The following KLHL4 variants were observed in gnomAD, a reference collection of about 807,000 sequenced individuals.
The protein encoded by KLHL4 is kelch-like protein 4.
KLHL4 carries 17 observed loss-of-function variants against 45.8 expected under a neutral mutation model. That is an observed-to-expected ratio of 0.37 (90% confidence interval 0.25 to 0.56). KLHL4 has a LOEUF of 0.56. KLHL4 is among the 20% of genes least tolerant of loss of function. KLHL4 has a pLI of 0.79. For missense variants in KLHL4, 544 were observed against 544.9 expected (o/e 1.00, Z 0.02); for synonymous variants, 224 against 189.9 (o/e 1.18, Z -1.47).
intron 1 of KLHL4, among the ~76,000 whole-genome samples, chrX:87,524,241 A>G (rs971269879): frequency 1.8e-5 from 2 of 111,284 alleles, no homozygotes; most frequent in African/African-American, 6.5e-5. Context: ...AGTGCTCAAA[A>G]TTGCTAAAAT....
At chrX:87,523,522 G>A (rs1445017299) in intron 1 of KLHL4, among the ~76,000 whole-genome samples, 2 of 111,498 alleles carry the variant, frequency 1.8e-5, no homozygotes, top group African/African-American at 6.5e-5. Flanking sequence ...TGATGTAGGT[G>A]TGTCAAAGGG....
chrX:87,536,936 G>A lies in KLHL4; in HGVS notation c.422+18621G>A, dbSNP rs188073020. On this transcript the variant is annotated intron_variant, in intron 1 of 10. Transcript: ENST00000373119. ...ACATAAGTTTAAAATTTAATTTATC[G>A]GTTTTTGAAAAACAGCTTAAATATC... Among the ~76,000 whole-genome samples the A allele has an allele frequency of 3.8e-3, 421 of 110,536 alleles. 7 individuals are homozygous for A. The South Asian group carries it at 0.053, about 14-fold the overall frequency.
chrX:87,602,483 T>A (rs974456700), intron 1 of KLHL4, among the ~76,000 whole-genome samples: 3 of 111,510 alleles, frequency 2.7e-5, no homozygotes, highest in Admixed American at 9.6e-5. Flanking sequence ...CTTTTTTATG[T>A]TTAGATATGT....
intron 1 of KLHL4, among the ~76,000 whole-genome samples, chrX:87,576,983 C>T (rs768792318): frequency 4.5e-5 from 5 of 111,297 alleles, no homozygotes; most frequent in Non-Finnish European, 7.6e-5. Flanking sequence ...AATAGCTGGC[C>T]TTTAAGTATG....
chrX:87,556,520 G>C (rs1931977529), intron 1 of KLHL4, among the ~76,000 whole-genome samples: 1 of 85,523 alleles, frequency 1.2e-5, no homozygotes, highest in Admixed American at 1.7e-4. Context: ...TCTGGGGACT[G>C]TTGTGGGGTG....
chrX:87,517,881 T>C lies in KLHL4; in HGVS notation c.-13T>C. Reference sequence around the variant, plus strand: ...TTCTGTGAGAGAAGGCTTTTGTCTTTCCTCCTGCTACGATGTCAGTGTCTG... The same window carrying C: ...TTCTGTGAGAGAAGGCTTTTGTCTTCCCTCCTGCTACGATGTCAGTGTCTG... On this transcript the variant is annotated 5_prime_UTR_variant, in exon 1 of 11. Transcript: ENST00000373119. 8.4e-7 allele frequency: 1 copy of C among 1,185,785 alleles called. No individual in the cohort carries two copies. The highest frequency in any genetic ancestry group is 1.1e-6 in the Non-Finnish European group (1 of 883,146).
At chrX:87,533,681 G>C (rs868026639) in intron 1 of KLHL4, among the ~76,000 whole-genome samples, 5 of 109,333 alleles carry the variant, frequency 4.6e-5, no homozygotes, top group Non-Finnish European at 9.5e-5. Context: ...TTGTGCACAT[G>C]TACCCTAAAA....
intron 9 of KLHL4, among the ~76,000 whole-genome samples, chrX:87,652,520 A>C (rs1923852898): frequency 8.9e-6 from 1 of 111,945 alleles, no homozygotes; most frequent in African/African-American, 3.2e-5. Flanking sequence ...AAGTTGCACA[A>C]ATTTCTAGGG....
intron 1 of KLHL4, among the ~76,000 whole-genome samples, chrX:87,589,093 A>C (rs1163696453): frequency 8.9e-6 from 1 of 112,296 alleles, no homozygotes; most frequent in Non-Finnish European, 1.9e-5. Flanking sequence ...AATGCAAATC[A>C]AAACTACAAT....
rs947804501 is a variant in KLHL4, at chrX:87,669,857, C to T, written c.*3323C>T. 1 of 113,685 alleles carries T rather than the reference C, an allele frequency of 8.8e-6. No individual in the cohort carries two copies. The highest frequency in any genetic ancestry group is 3.3e-5 in the African/African-American group (1 of 30,570). 9.4% of individuals were successfully genotyped at this position (113,685 alleles called of 1,213,427 possible). On this transcript the variant is annotated 3_prime_UTR_variant, in exon 11 of 11. Transcript: ENST00000373119. ...TTTTCAAGCATGGATCTCCATATTTCAAAGGAAAGTTTTAAAAATGTTTTT... is the reference window on the plus strand; with the variant it reads ...TTTTCAAGCATGGATCTCCATATTTTAAAGGAAAGTTTTAAAAATGTTTTT...
intron 4 of KLHL4, among the ~76,000 whole-genome samples, chrX:87,620,052 T>G (rs1922697377): frequency 1.8e-5 from 2 of 111,565 alleles, no homozygotes; most frequent in African/African-American, 3.3e-5. Flanking sequence ...GAATGCTATT[T>G]GGCCAAATGT....
rs1922463132 is a variant in KLHL4, at chrX:87,613,884, A to G, written c.430A>G (p.Thr144Ala). 4 of 1,184,323 alleles carry G rather than the reference A, an allele frequency of 3.4e-6. No homozygotes were observed. The highest frequency in any genetic ancestry group is 4.5e-6 in the Non-Finnish European group (4 of 881,844). Residue 144 changes from threonine (T) to alanine (A), a missense_variant, in exon 2 of 11, where the codon ACA becomes GCA. Transcript: ENST00000373119. ...TCCTTACTTCCTTTTCAGATTAGAT[A>G]CACAACACTCTGAAGACATGAATGC... The part of the protein sequence containing the change: ...NIEDSTARLD[T>A]QHSEDMNATR...
intron 8 of KLHL4, 114 bp downstream of exon 8, chrX:87,634,025 T>C: frequency 1.7e-6 from 1 of 582,037 alleles, no homozygotes; most frequent in African/African-American, 2.3e-5. Flanking sequence ...GTACTTGTTA[T>C]CAATAATAAA....
intron 1 of KLHL4, among the ~76,000 whole-genome samples, chrX:87,584,678 TA>T (rs963552464): frequency 3.9e-5 from 4 of 103,109 alleles, no homozygotes; most frequent in Admixed American, 1.0e-4. Context: ...AAAGACAAAA[TA>T]AAAAAAAAGA....
intron 1 of KLHL4, among the ~76,000 whole-genome samples, chrX:87,586,409 T>C (rs1449368209): frequency 9.0e-6 from 1 of 111,331 alleles, no homozygotes; most frequent in Admixed American, 9.6e-5. Context: ...AAAAAAAACC[T>C]GAAATAATAT....
chrX:87,542,957 A>G lies in KLHL4; in HGVS notation c.422+24642A>G, dbSNP rs1032172825. 2.7e-5 allele frequency among the ~76,000 whole-genome samples: 3 copies of G among 111,504 alleles called. No homozygotes were observed. In the Admixed American group the frequency reaches 2.9e-4, roughly 11 times the overall value. ...TCCCTTTGTATCCATGGAGGGACCT[A>G]GTGGGAGGTGACTTGATCATGGGGA... On this transcript the variant is annotated intron_variant, in intron 1 of 10. Coordinates refer to ENST00000373119, the MANE Select transcript of KLHL4 (RefSeq NM_019117.5).
chrX:87,526,475 T>C (rs1316041737), intron 1 of KLHL4, among the ~76,000 whole-genome samples: 1 of 111,873 alleles, frequency 8.9e-6, no homozygotes, highest in Non-Finnish European at 1.9e-5. Context: ...AAAAAAGAAG[T>C]GCAATGTAAG....
chrX:87,537,541 C>T (rs1931460200), intron 1 of KLHL4, among the ~76,000 whole-genome samples: 4 of 110,661 alleles, frequency 3.6e-5, no homozygotes, highest in Non-Finnish European at 7.6e-5. Flanking sequence ...GATACACACA[C>T]ATATACATAC....
chrX:87,615,386 G>A (rs1227411948), intron 3 of KLHL4, among the ~76,000 whole-genome samples: 4 of 110,863 alleles, frequency 3.6e-5, no homozygotes, highest in Non-Finnish European at 5.7e-5. Context: ...TGAGAATTTG[G>A]TACCAACAAC....
Sources: allele counts gnomAD v4.1 joint callset (sites outside exome capture counted in the v4.1 genomes callset), GRCh38; gene constraint gnomAD v4.1.1; transcripts MANE v1.5; gene names NCBI Gene and HGNC (gene_info 2026-07-23, HGNC 2026-07-21).